ADRA1A: variants seen among roughly 807,000 people sequenced by gnomAD.
ADRA1A encodes the protein alpha-1A adrenergic receptor.
In ADRA1A, 31 loss-of-function variants were observed where a neutral mutation model predicts 29.6. The observed-to-expected ratio is 1.05, with a 90% CI of 0.79 to 1.41. The LOEUF (loss-of-function observed/expected upper bound fraction) is 1.41, where lower values mean the gene tolerates loss of function less well. ADRA1A is among the 40% of genes most tolerant of loss of function. ADRA1A has a pLI of 0.00. For missense variants in ADRA1A, 619 were observed against 601.1 expected (o/e 1.03, Z -0.31); for synonymous variants, 311 against 254.3 (o/e 1.22, Z -2.12).
intron 2 of ADRA1A, among the ~76,000 whole-genome samples, chr8:26,850,447 T>C (rs1812545526): frequency 6.6e-6 from 1 of 152,192 alleles, no homozygotes; most frequent in Non-Finnish European, 1.5e-5. Context: ...CTTTCATGTG[T>C]TAAGGTTTAG....
intron 2 of ADRA1A, among the ~76,000 whole-genome samples, chr8:26,827,920 G>T (rs1219637990): frequency 2.0e-5 from 3 of 151,992 alleles, no homozygotes; most frequent in Admixed American, 1.3e-4. Context: ...TTGAGACAGG[G>T]TCTCACTCTT....
intron 2 of ADRA1A, among the ~76,000 whole-genome samples, chr8:26,757,522 C>CG (rs1007524754): frequency 4.0e-5 from 6 of 151,768 alleles, no homozygotes; most frequent in Admixed American, 2.6e-4. Context: ...TCCCCCACCC[C>CG]CCACCTCTGC....
At chr8:26,827,479 C>T (rs1197554990) in intron 2 of ADRA1A, among the ~76,000 whole-genome samples, 2 of 152,198 alleles carry the variant, frequency 1.3e-5, no homozygotes, top group Non-Finnish European at 2.9e-5. Flanking sequence ...GTTCTAGATG[C>T]CAGGAAGTCC....
At chr8:26,828,936 G>T (rs1810784127) in intron 2 of ADRA1A, among the ~76,000 whole-genome samples, 1 of 152,044 alleles carries the variant, frequency 6.6e-6, no homozygotes, top group African/African-American at 2.4e-5. Flanking sequence ...TTAATCTTAG[G>T]ATTCTTTTGT....
At chr8:26,752,435 A>G (rs189792970), downstream of ADRA1A, among the ~76,000 whole-genome samples, 264 of 152,284 alleles carry the variant, frequency 1.7e-3, no homozygotes, top group African/African-American at 6.1e-3. Context: ...AAGAAAAGGG[A>G]AGGGAAAACC....
intron 2 of ADRA1A, among the ~76,000 whole-genome samples, chr8:26,801,030 A>G (rs1162466197): frequency 6.6e-6 from 1 of 152,224 alleles, no homozygotes; most frequent in Non-Finnish European, 1.5e-5. Flanking sequence ...CAAAAACTGT[A>G]TGATTATTTC....
At chr8:26,785,986 G>A (rs752679746) in intron 2 of ADRA1A, among the ~76,000 whole-genome samples, 1 of 152,136 alleles carries the variant, frequency 6.6e-6, no homozygotes, top group Non-Finnish European at 1.5e-5. Flanking sequence ...GTGCCTTCTT[G>A]TTGATCTCCT....
At chr8:26,850,045 C>CAAAAAACAAAAAACA (rs1554511739) in intron 2 of ADRA1A, among the ~76,000 whole-genome samples, 46 of 123,392 alleles carry the variant, frequency 3.7e-4, no homozygotes, top group Middle Eastern at 4.1e-3. Context: ...AAACAAAAAA[C>CAAAAAACAAAAAACA]AAAAAAAAAA....
At position 26,831,387 on chromosome 8, in the gene ADRA1A, A is replaced by G. The variant is rs545072265; in HGVS notation, c.883+32700T>C. On this transcript the variant is annotated intron_variant, in intron 2 of 2. Coordinates refer to ENST00000380573, the MANE Select transcript of ADRA1A (RefSeq NM_000680.4). The surrounding 1 kb of genome is among the most constrained non-coding windows in gnomAD (Gnocchi z 5.2). Reference sequence around the variant, plus strand: ...GAGGCAGAGAGAGAGAGAGAAGGAGAGAGAGAAAGAGAGAGAGCCTGCTAT... The same window carrying G: ...GAGGCAGAGAGAGAGAGAGAAGGAGGGAGAGAAAGAGAGAGAGCCTGCTAT... 6.6e-6 allele frequency among the ~76,000 whole-genome samples: 1 copy of G among 152,250 alleles called. No individual in the cohort carries two copies. The highest frequency in any genetic ancestry group is 6.5e-5 in the Admixed American group (1 of 15,292).
intron 2 of ADRA1A, among the ~76,000 whole-genome samples, chr8:26,789,661 C>T (rs6991890): frequency 0.34 from 51,349 of 151,888 alleles, 9,997 homozygotes; most frequent in East Asian, 0.84. Flanking sequence ...AATAGACAAA[C>T]GGGATTATAT....
At chr8:26,845,355 T>A (rs1445491565) in intron 2 of ADRA1A, among the ~76,000 whole-genome samples, 1 of 152,178 alleles carries the variant, frequency 6.6e-6, no homozygotes, top group African/African-American at 2.4e-5. Flanking sequence ...GCATTATTAG[T>A]CATTAGGGAA....
At chr8:26,777,377 G>A (rs773813668) in intron 2 of ADRA1A, among the ~76,000 whole-genome samples, 4 of 152,228 alleles carry the variant, frequency 2.6e-5, no homozygotes, top group East Asian at 1.9e-4. Flanking sequence ...TTAGCTTCTC[G>A]CAGTGCTCTC....
chr8:26,781,157 T>C (rs916791805), intron 2 of ADRA1A, among the ~76,000 whole-genome samples: 1 of 152,206 alleles, frequency 6.6e-6, no homozygotes, highest in Non-Finnish European at 1.5e-5. Flanking sequence ...TATCACCATT[T>C]TCTGTGCTTT....
intron 2 of ADRA1A, among the ~76,000 whole-genome samples, chr8:26,832,646 C>T (rs892415480): frequency 8.5e-5 from 13 of 152,112 alleles, no homozygotes; most frequent in African/African-American, 3.1e-4. Flanking sequence ...AATGATGACA[C>T]TTTAACAGTT....
rs61104149 is a variant in ADRA1A, at chr8:26,815,288, G to A, written c.884-44622C>T. Among the ~76,000 whole-genome samples the A allele has an allele frequency of 6.6e-6, 1 of 152,274 alleles. No individual in the cohort carries two copies. Among genetic ancestry groups the A allele is most frequent in the African/African-American group, 2.4e-5 (1 of 41,558 alleles). ...GAATACTGAAAACTATTTTGCCAGA[G>A]AACACCTAGACAGAGTGGAAAAAGT... On this transcript the variant is annotated intron_variant, in intron 2 of 2. Coordinates refer to ENST00000380573, the MANE Select transcript of ADRA1A (RefSeq NM_000680.4). This position sits in a 1 kb window ranked among gnomAD's most constrained non-coding sequence, Gnocchi z 4.2.
chr8:26,800,696 G>A (rs904133624), intron 2 of ADRA1A, among the ~76,000 whole-genome samples: 1 of 151,984 alleles, frequency 6.6e-6, no homozygotes, highest in African/African-American at 2.4e-5. Flanking sequence ...GAACTAATAC[G>A]AATCCTACTC....
chr8:26,852,111 A>C (rs1462080330), intron 2 of ADRA1A, among the ~76,000 whole-genome samples: 1 of 152,214 alleles, frequency 6.6e-6, no homozygotes, highest in African/African-American at 2.4e-5. Flanking sequence ...TGATTTTCAA[A>C]TGAACAAACA....
intron 2 of ADRA1A, among the ~76,000 whole-genome samples, chr8:26,779,615 A>T (rs775156529): frequency 2.6e-5 from 4 of 152,052 alleles, no homozygotes; most frequent in Non-Finnish European, 5.9e-5. Flanking sequence ...AAGAGGGGAA[A>T]CTGAGGTTTT....
At chr8:26,757,522 C>CT (rs1007524754) in intron 2 of ADRA1A, among the ~76,000 whole-genome samples, 2 of 151,652 alleles carry the variant, frequency 1.3e-5, no homozygotes, top group African/African-American at 4.9e-5. Context: ...TCCCCCACCC[C>CT]CCACCTCTGC....
Sources: gnomAD v4.1 joint callset for allele counts (sites outside exome capture counted in the v4.1 genomes callset) on GRCh38, gnomAD v4.1.1 for gene constraint, Gnocchi (gnomAD v3.1) non-coding constraint, MANE v1.5 for transcripts, NCBI Gene and HGNC (gene_info 2026-07-23, HGNC 2026-07-21) for gene names.